TFEC: variants seen among roughly 807,000 people sequenced by gnomAD.
TFEC encodes class E basic helix-loop-helix protein 34.
Under a neutral mutation model 41.6 loss-of-function variants are expected in TFEC, and 31 were observed. That is an observed-to-expected ratio of 0.74 (90% confidence interval 0.56 to 1.01). The LOEUF is 1.01. Among genes scored for constraint, TFEC ranks in the 50% least tolerant of loss-of-function variants. TFEC has a pLI of 0.00. For synonymous variants in TFEC, 143 were observed against 140.6 expected (o/e 1.02, Z -0.12); for missense variants, 402 against 404.1 (o/e 0.99, Z 0.04).
At chr7:116,081,689 C>A (rs10263972) in intron 3 of TFEC, among the ~76,000 whole-genome samples, 3 of 152,052 alleles carry the variant, frequency 2.0e-5, no homozygotes, top group Non-Finnish European at 4.4e-5. Context: ...AGCCCAAATT[C>A]TTTAGCACAG....
chr7:116,139,271 A>T (rs1279681713), intron 1 of TFEC, among the ~76,000 whole-genome samples: 1 of 152,222 alleles, frequency 6.6e-6, no homozygotes, highest in African/African-American at 2.4e-5. Flanking sequence ...CTGATGAATT[A>T]TCTCTTACTC....
chr7:116,030,690 TC>T lies in TFEC; in HGVS notation c.-131del, dbSNP rs905609665. 1.0e-6 allele frequency: 1 copy of T among 985,180 alleles called. No individual in the cohort carries two copies. Among genetic ancestry groups the T allele is most frequent in the African/African-American group, 1.7e-5 (1 of 57,176 alleles). 61.0% of individuals were successfully genotyped at this position (985,180 alleles called of 1,614,324 possible). A position where few individuals can be genotyped will look rare whatever the true frequency, so the allele number is the denominator to read the frequency against. On this transcript the variant is annotated 5_prime_UTR_variant, in exon 1 of 8. An upstream open reading frame in the 5' UTR loses its in-frame stop. Coordinates refer to ENST00000265440, the MANE Select transcript of TFEC (RefSeq NM_012252.4). ...CTCTACAAACAGCACCAAATTATAA[TC>T]CCTCTTCCCATAACATATGCACCAT...
chr7:115,941,702 G>C, intron 7 of TFEC, 191 bp downstream of exon 7: 1 of 638,588 alleles, frequency 1.6e-6, no homozygotes, highest in South Asian at 2.2e-5. Context: ...CAGCCATCTT[G>C]ATCCTGGATT....
chr7:116,078,141 A>T, intron 3 of TFEC, among the ~76,000 whole-genome samples: 1 of 152,078 alleles, frequency 6.6e-6, no homozygotes, highest in Non-Finnish European at 1.5e-5. Context: ...AAACCACGCA[A>T]ATACATGCAA....
At chr7:116,015,525 T>C (rs1177756061) in intron 1 of TFEC, among the ~76,000 whole-genome samples, 1 of 152,086 alleles carries the variant, frequency 6.6e-6, no homozygotes, top group African/African-American at 2.4e-5. Flanking sequence ...AGTAGGATAA[T>C]AATGTGATCA....
Position 115,935,469 on chromosome 7 carries a change from GA to G in TFEC, c.*5081del, listed in dbSNP as rs979931900. On this transcript the variant is annotated 3_prime_UTR_variant, in exon 8 of 8. Transcript: ENST00000265440. ...TAATAATTATTAAGATTAAATAGCT[GA>G]ATTAATTTTAGCCTTGTATGCCATA... The G allele has an allele frequency of 6.6e-6, 1 of 152,002 alleles. No homozygotes were observed. The highest frequency in any genetic ancestry group is 1.5e-5 in the Non-Finnish European group (1 of 67,626). The allele number at this position is 152,002 out of a possible 1,614,324, so 9.4% of individuals were successfully genotyped here.
chr7:115,959,493 A>C (rs1034598303), intron 3 of TFEC, among the ~76,000 whole-genome samples: 1 of 151,806 alleles, frequency 6.6e-6, no homozygotes, highest in Admixed American at 6.6e-5. Flanking sequence ...TACAGTAACT[A>C]ATATTTCCTG....
chr7:116,115,354 G>C (rs1352833554), intron 1 of TFEC, among the ~76,000 whole-genome samples: 1 of 152,022 alleles, frequency 6.6e-6, no homozygotes, highest in Non-Finnish European at 1.5e-5. Context: ...TTTGAAAGTA[G>C]TTTCCCTAAC....
intron 1 of TFEC, among the ~76,000 whole-genome samples, chr7:115,986,292 C>A (rs766747237): frequency 6.6e-6 from 1 of 152,066 alleles, no homozygotes; most frequent in Non-Finnish European, 1.5e-5. Flanking sequence ...CTTGTTTTAA[C>A]CTTAGGAGAT....
At chr7:116,012,823 C>A in intron 1 of TFEC, among the ~76,000 whole-genome samples, 1 of 62,016 alleles carries the variant, frequency 1.6e-5, no homozygotes, top group African/African-American at 7.2e-5. Flanking sequence ...AGATTTATTT[C>A]TGGAAAAAAA....
intron 3 of TFEC, 79 bp from the exon 4 acceptor site, chr7:115,956,872 T>A: frequency 1.2e-6 from 1 of 840,484 alleles, no homozygotes; most frequent in Non-Finnish European, 1.6e-6. Flanking sequence ...TATTACATTT[T>A]CCACTTTAAA....
Position 115,936,678 on chromosome 7 carries a change from C to T in TFEC, c.*3873G>A, listed in dbSNP as rs929902447. The T allele has an allele frequency of 5.3e-5, 8 of 151,390 alleles. No homozygotes were observed. Among genetic ancestry groups the T allele is most frequent in the African/African-American group, 1.7e-4 (7 of 41,328 alleles). The allele number at this position is 151,390 out of a possible 1,614,324, so 9.4% of individuals were successfully genotyped here. Reference sequence around the variant, plus strand: ...TTCAAAATAAAATAAAAATATATTCCTTTTAAAGTTGTGAAATCTAATTCC... The same window carrying T: ...TTCAAAATAAAATAAAAATATATTCTTTTTAAAGTTGTGAAATCTAATTCC... On this transcript the variant is annotated 3_prime_UTR_variant, in exon 8 of 8. Coordinates refer to ENST00000265440, the MANE Select transcript of TFEC (RefSeq NM_012252.4).
intron 3 of TFEC, among the ~76,000 whole-genome samples, chr7:115,958,866 T>C (rs1792378061): frequency 6.6e-6 from 1 of 151,864 alleles, no homozygotes; most frequent in Non-Finnish European, 1.5e-5. Flanking sequence ...CATTAAACAA[T>C]TGAGTTCAGT....
chr7:115,967,429 G>A (rs1792910198), intron 3 of TFEC, among the ~76,000 whole-genome samples: 1 of 151,756 alleles, frequency 6.6e-6, no homozygotes, highest in South Asian at 2.1e-4. Flanking sequence ...AGAGCCTAGA[G>A]TGCACAATGC....
At chr7:115,983,748 T>C (rs925215632) in intron 2 of TFEC, among the ~76,000 whole-genome samples, 4 of 152,108 alleles carry the variant, frequency 2.6e-5, no homozygotes, top group African/African-American at 9.7e-5. Flanking sequence ...TAGTAAATAG[T>C]AGCCAACTAT....
At chr7:116,075,540 G>A (rs1013141611) in intron 3 of TFEC, among the ~76,000 whole-genome samples, 1 of 152,226 alleles carries the variant, frequency 6.6e-6, no homozygotes, top group South Asian at 2.1e-4. Context: ...TTGGGGGTGG[G>A]GCACAGTGGG....
In TFEC at chr7:116,110,849, C is replaced by G. The variant is rs1386127403; in HGVS notation, c.57G>C (p.Lys19Asn). Residue 19 changes from lysine (K) to asparagine (N), a missense_variant, in exon 3 of 9, where the codon AAG becomes AAC. Physicochemically the swap from Lys to Asn is moderately conservative, Grantham distance 94. Coordinates refer to the TFEC transcript ENST00000484212. Reference sequence around the variant, plus strand: ...CCTGGCTGATTTGAAGTCTTCTCTCCTTTTCTCCTAATTGTTCTTTCAGCT... The same window carrying G: ...CCTGGCTGATTTGAAGTCTTCTCTCGTTTTCTCCTAATTGTTCTTTCAGCT... The G allele has an allele frequency of 1.9e-6, 3 of 1,545,138 alleles. No homozygotes were observed. In the South Asian group the frequency reaches 3.6e-5, roughly 19 times the overall value.
At chr7:116,147,045 G>A (rs1454977255) in intron 1 of TFEC, among the ~76,000 whole-genome samples, 1 of 152,106 alleles carries the variant, frequency 6.6e-6, no homozygotes, top group African/African-American at 2.4e-5. Context: ...ATCTGGATAA[G>A]TTACTCAAAA....
intron 1 of TFEC, among the ~76,000 whole-genome samples, chr7:116,122,686 A>G (rs571054392): frequency 1.3e-5 from 2 of 152,216 alleles, no homozygotes; most frequent in Admixed American, 6.5e-5. Context: ...TTAGCATATG[A>G]ACTCCAGCAT....
Sources: gnomAD v4.1 joint callset for allele counts (sites outside exome capture counted in the v4.1 genomes callset) on GRCh38, gnomAD v4.1.1 for gene constraint, MANE v1.5 for transcripts, NCBI Gene and HGNC (gene_info 2026-07-23, HGNC 2026-07-21) for gene names.